Variants in HOMEZ observed in about 807,000 individuals in gnomAD.
HOMEZ encodes homeobox and leucine zipper encoding, also known as homeobox and leucine zipper protein Homez.
HOMEZ carries 20 observed loss-of-function variants against 50.1 expected under a neutral mutation model. The observed-to-expected ratio is 0.40, with a 90% CI of 0.28 to 0.58. The LOEUF (loss-of-function observed/expected upper bound fraction) is 0.58, where lower values mean the gene tolerates loss of function less well. Ranked by LOEUF, HOMEZ falls within the 20% of genes least tolerant of loss-of-function variation. The pLI is 0.46. For missense variants in HOMEZ, 579 were observed against 680.5 expected (o/e 0.85, Z 1.66); for synonymous variants, 239 against 254.7 (o/e 0.94, Z 0.59).
In HOMEZ at chr14:23,276,084, G is replaced by A. The variant is rs781133712; in HGVS notation, c.1144C>T (p.Arg382Trp). The A allele has an allele frequency of 1.5e-5, 24 of 1,614,020 alleles. No homozygotes were observed. The highest frequency in any genetic ancestry group is 3.3e-4 in the Middle Eastern group (2 of 6,062). ...TCTAACTTTTGGTAATCCTCACGCC[G>A]TGCCCACTGGCACTGTAAAAAAAAG... ...KSFFLQCQWA[R>W]REDYQKLEQI... Residue 382 changes from arginine (R) to tryptophan (W), a missense_variant, in exon 2 of 2, where the codon CGG becomes TGG. Transcript: ENST00000357460. The surrounding 1 kb of genome is among the most constrained non-coding windows in gnomAD (Gnocchi z 4.1).
intron 1 of HOMEZ, among the ~76,000 whole-genome samples, chr14:23,284,686 G>A (rs952901350): frequency 6.6e-6 from 1 of 152,182 alleles, no homozygotes; most frequent in East Asian, 1.9e-4. Context: ...ATGTTTTGGA[G>A]AGACATAACG....
rs1465393882 is a variant in HOMEZ at position 23,276,776 on chromosome 14, T to G, written c.452A>C (p.Glu151Ala). The stretch of plus-strand genomic sequence containing the variant: ...AGCTGGCACTGGAGGAGGAGGCACC[T>G]CCTCTGGGGGCCGTCCCGCATGATG... ...FTHHAGRPPE[E>A]VPPPPVPAPE... is the part of the protein sequence containing the mutation. The change falls in exon 2 of 2, where the codon GAG becomes GCG. Residue 151 changes from glutamate (E) to alanine (A), a missense_variant. By Grantham distance (107) the Glu-to-Ala change is moderately radical. Coordinates refer to ENST00000357460, the MANE Select transcript of HOMEZ (RefSeq NM_020834.3). This position sits in a 1 kb window ranked among gnomAD's most constrained non-coding sequence, Gnocchi z 4.1. The G allele has an allele frequency of 4.3e-6, 7 of 1,613,886 alleles. No individual in the cohort carries two copies. Among genetic ancestry groups the G allele is most frequent in the Non-Finnish European group, 5.9e-6 (7 of 1,179,904 alleles).
In HOMEZ at chr14:23,274,130, A is replaced by G. The variant is rs1467429174; in HGVS notation, c.*1445T>C. The G allele has an allele frequency of 6.6e-6, 1 of 152,630 alleles. No individual in the cohort carries two copies. Among genetic ancestry groups the G allele is most frequent in the Non-Finnish European group, 1.5e-5 (1 of 68,044 alleles). The allele number at this position is 152,630 out of a possible 1,614,324, so 9.5% of individuals were successfully genotyped here. A position where few individuals can be genotyped will look rare whatever the true frequency, so the allele number is the denominator to read the frequency against. On this transcript the variant is annotated 3_prime_UTR_variant, in exon 2 of 2. Coordinates refer to ENST00000357460, the MANE Select transcript of HOMEZ (RefSeq NM_020834.3). ...TCTTTTATTTTTAGATGGTTAACTC[A>G]TTGATGATACCTATTTGCCATATAG...
At chr14:23,282,836 T>C (rs1192823790) in intron 1 of HOMEZ, among the ~76,000 whole-genome samples, 1 of 152,228 alleles carries the variant, frequency 6.6e-6, no homozygotes, top group African/African-American at 2.4e-5. Context: ...TTTGGTGTAC[T>C]ATATGCATTC....
Position 23,276,613 on chromosome 14 carries a change from C to A in HOMEZ, c.615G>T (p.Leu205=), listed in dbSNP as rs527590138. Reference sequence around the variant, plus strand: ...GGAATGCTCCACTGCCAGGTGTCATCAGGGACTCCTTTAATTTCTGGTGAC... The same window carrying A: ...GGAATGCTCCACTGCCAGGTGTCATAAGGGACTCCTTTAATTTCTGGTGAC... ...PQSHQKLKES[L]MTPGSGAFPY... is the part of the protein sequence containing the mutation. The change falls in exon 2 of 2, where the codon CTG becomes CTT. Residue 205 remains leucine (L), a synonymous_variant. Transcript: ENST00000357460. The surrounding 1 kb of genome is among the most constrained non-coding windows in gnomAD (Gnocchi z 4.1). The A allele has an allele frequency of 6.2e-7, 1 of 1,614,030 alleles. No homozygotes were observed. Among genetic ancestry groups the A allele is most frequent in the Non-Finnish European group, 8.5e-7 (1 of 1,179,904 alleles).
intron 1 of HOMEZ, among the ~76,000 whole-genome samples, chr14:23,280,329 TTC>T (rs1886461068): frequency 6.6e-6 from 1 of 152,114 alleles, no homozygotes; most frequent in South Asian, 2.1e-4. Context: ...ACAGCTCAGC[TTC>T]TCCCCAGGGA....
At chr14:23,279,471 G>A (rs1886440595) in intron 1 of HOMEZ, among the ~76,000 whole-genome samples, 1 of 152,162 alleles carries the variant, frequency 6.6e-6, no homozygotes, top group African/African-American at 2.4e-5. Flanking sequence ...GGTTTGGTGG[G>A]GAAAATGGTT....
Position 23,280,709 on chromosome 14 carries a change from A to T in HOMEZ, c.41-3522T>A, listed in dbSNP as rs201354088. Among the ~76,000 whole-genome samples, 94 of 49,782 alleles carry T rather than the reference A, an allele frequency of 1.9e-3. 8 individuals carry two copies. Among genetic ancestry groups the T allele is most frequent in the African/African-American group, 3.6e-3 (65 of 18,014 alleles). 32.7% of individuals were successfully genotyped at this position (49,782 alleles called of 152,430 possible). A position where few individuals can be genotyped will look rare whatever the true frequency, so the allele number is the denominator to read the frequency against. On this transcript the variant is annotated intron_variant, in intron 1 of 1. Transcript: ENST00000357460. ...ATTTTATTTTTATTTTTATATTTTT[A>T]TTTTTATTTTATTTTATTTTATTTT...
chr14:23,277,621 C>T (rs1886395022), intron 1 of HOMEZ, among the ~76,000 whole-genome samples: 1 of 152,034 alleles, frequency 6.6e-6, no homozygotes, highest in African/African-American at 2.4e-5. Context: ...TGGTTCGTGC[C>T]TGTCGTCCCA....
chr14:23,282,095 G>T (rs1446831869), intron 1 of HOMEZ, among the ~76,000 whole-genome samples: 4 of 152,086 alleles, frequency 2.6e-5, no homozygotes, highest in Non-Finnish European at 5.9e-5. Context: ...TCAATAAATA[G>T]CAGCTTTTAT....
At chr14:23,285,732 ACACT>A (rs1330666196) in intron 1 of HOMEZ, 177 bp downstream of exon 1, 2 of 408,642 alleles carry the variant, frequency 4.9e-6, no homozygotes, top group East Asian at 3.6e-5. Flanking sequence ...CCCTACACAG[ACACT>A]CACCCTCCCC....
chr14:23,285,086 A>G (rs916139589), intron 1 of HOMEZ: 1 of 152,240 alleles, frequency 6.6e-6, no homozygotes, highest in East Asian at 1.9e-4. Flanking sequence ...CAGTCTCACC[A>G]CTACATCAAA....
chr14:23,277,045 G>A lies in HOMEZ; in HGVS notation c.183C>T (p.Thr61=), dbSNP rs1466500506. 2 of 1,613,922 alleles carry A rather than the reference G, an allele frequency of 1.2e-6. No individual in the cohort carries two copies. The highest frequency in any genetic ancestry group is 4.5e-5 in the East Asian group (2 of 44,894). The change falls in exon 2 of 2, where the codon ACC becomes ACT. Residue 61 remains threonine (T), a synonymous_variant. Coordinates refer to ENST00000357460, the MANE Select transcript of HOMEZ (RefSeq NM_020834.3). ...GGTGTTCATTGCTGTCTAGCTCACT[G>A]GTCTGGGCTGCTTGCGTCCACACAA... The part of the protein sequence containing the change: ...LQLVWTQAAQ[T]SELDSNEHLL...
intron 1 of HOMEZ, among the ~76,000 whole-genome samples, chr14:23,280,709 A>ATTTTATAT (rs1594964856): frequency 2.0e-5 from 1 of 49,800 alleles, no homozygotes; most frequent in Non-Finnish European, 4.9e-5. Context: ...TTATATTTTT[A>ATTTTATAT]TTTTTATTTT....
Position 23,272,750 on chromosome 14 carries a change from C to T in HOMEZ, c.*2825G>A. The T allele has an allele frequency of 2.2e-6, 2 of 901,278 alleles. No homozygotes were observed. The highest frequency in any genetic ancestry group is 3.6e-6 in the Non-Finnish European group (2 of 557,222). The allele number at this position is 901,278 out of a possible 1,614,324, so 55.8% of individuals were successfully genotyped here. On this transcript the variant is annotated 3_prime_UTR_variant, in exon 2 of 2. Transcript: ENST00000357460. ...GTCTGTCTCGATAAGCTTCATACAA[C>T]AGGTCAGAGAGACTTGCTTGCCCTT... is the stretch of plus-strand genomic sequence containing the variant.
chr14:23,282,618 CT>C (rs1396351565), intron 1 of HOMEZ, among the ~76,000 whole-genome samples: 48 of 152,032 alleles, frequency 3.2e-4, no homozygotes, highest in Non-Finnish European at 1.0e-4. Context: ...CACAATAACA[CT>C]TTAGAGATAA....
Position 23,273,010 on chromosome 14 carries a change from T to C in HOMEZ, c.*2565A>G. The C allele has an allele frequency of 1.7e-6, 1 of 594,922 alleles. No homozygotes were observed. The highest frequency in any genetic ancestry group is 2.2e-5 in the South Asian group (1 of 46,278). 36.9% of individuals were successfully genotyped at this position (594,922 alleles called of 1,614,324 possible). The stretch of plus-strand genomic sequence containing the variant: ...TGCATTGTTTCCTAGTTTCACTCTG[T>C]ACCTTATGCTCCCCCCATCTTTACC... On this transcript the variant is annotated 3_prime_UTR_variant, in exon 2 of 2. Coordinates refer to ENST00000357460, the MANE Select transcript of HOMEZ (RefSeq NM_020834.3).
chr14:23,281,799 AAATAATAATAATAAT>A (rs55828215), intron 1 of HOMEZ, among the ~76,000 whole-genome samples: 154 of 137,448 alleles, frequency 1.1e-3, no homozygotes, highest in African/African-American at 4.0e-3. Flanking sequence ...CTGTCTCTAC[AAATAATAATAATAAT>A]AATAATAATA....
intron 1 of HOMEZ, among the ~76,000 whole-genome samples, chr14:23,280,599 T>G (rs531548176): frequency 5.3e-5 from 8 of 151,836 alleles, no homozygotes; most frequent in Non-Finnish European, 1.2e-4. Flanking sequence ...CTGTTGACAA[T>G]TTTTAACTCA....
Sources: allele counts gnomAD v4.1 joint callset (sites outside exome capture counted in the v4.1 genomes callset), GRCh38; gene constraint gnomAD v4.1.1; non-coding constraint Gnocchi (gnomAD v3.1); transcripts MANE v1.5; gene names NCBI Gene and HGNC (gene_info 2026-07-23, HGNC 2026-07-21).